PLCG2: variants seen among roughly 807,000 people sequenced by gnomAD.
PLCG2 encodes 1-phosphatidylinositol 4,5-bisphosphate phosphodiesterase gamma-2.
PLCG2 carries 69 observed loss-of-function variants against 175.6 expected under a neutral mutation model. That is an observed-to-expected ratio of 0.39 (90% CI 0.32 to 0.48). The LOEUF (loss-of-function observed/expected upper bound fraction) is 0.48. Among genes scored for constraint, PLCG2 ranks in the 20% least tolerant of loss-of-function variants. PLCG2 has a pLI of 0.91. For missense variants in PLCG2, 1,798 were observed against 1,650.9 expected (o/e 1.09, Z -1.54); for synonymous variants, 827 against 624.0 (o/e 1.33, Z -4.85).
intron 11 of PLCG2, among the ~76,000 whole-genome samples, chr16:81,893,301 C>T (rs1038841306): frequency 1.3e-5 from 2 of 152,198 alleles, no homozygotes; most frequent in Admixed American, 6.5e-5. Flanking sequence ...CTGTTCTGTG[C>T]CTGGCCTCAA....
chr16:81,811,590 A>G (rs1028160813), intron 2 of PLCG2, among the ~76,000 whole-genome samples: 3 of 151,698 alleles, frequency 2.0e-5, no homozygotes, highest in South Asian at 4.2e-4. Flanking sequence ...TCATTGTTCA[A>G]CTCGCACTTA....
intron 2 of PLCG2, among the ~76,000 whole-genome samples, chr16:81,817,195 C>G (rs1462221295): frequency 2.6e-5 from 4 of 151,920 alleles, no homozygotes; most frequent in Admixed American, 1.3e-4. Context: ...TCAGAAAAGG[C>G]CTCTCTGAGG....
At chr16:81,872,632 A>G (rs970521981) in intron 7 of PLCG2, among the ~76,000 whole-genome samples, 1 of 152,246 alleles carries the variant, frequency 6.6e-6, no homozygotes, top group Non-Finnish European at 1.5e-5. Flanking sequence ...ACATTCAATA[A>G]GTAGGGGCTG....
Position 81,910,505 on chromosome 16 carries a change from G to A in PLCG2, c.1734-15G>A, listed in dbSNP as rs919119041. The A allele has an allele frequency of 1.9e-5, 30 of 1,612,620 alleles. No homozygotes were observed. The highest frequency in any genetic ancestry group is 2.2e-5 in the East Asian group (1 of 44,878). On this transcript the variant is annotated splice_polypyrimidine_tract_variant and intron_variant, in intron 17 of 32. Coordinates refer to ENST00000564138, the MANE Select transcript of PLCG2 (RefSeq NM_002661.5). ...CCTGCGTTCTCCCAGCACTGATGGC[G>A]TCCTCTCCCCGCAGGCGGTCAGGCC...
At chr16:81,787,920 G>C (rs889592071) in intron 2 of PLCG2, among the ~76,000 whole-genome samples, 1 of 152,136 alleles carries the variant, frequency 6.6e-6, no homozygotes, top group African/African-American at 2.4e-5. Context: ...TTTTGTGGCA[G>C]AATCACGATA....
intron 2 of PLCG2, among the ~76,000 whole-genome samples, chr16:81,850,368 AAAG>A (rs1906343787): frequency 2.6e-5 from 4 of 152,232 alleles, no homozygotes; most frequent in African/African-American, 7.2e-5. Context: ...AACAAACAAA[AAAG>A]TTTCAGTGCA....
intron 20 of PLCG2, among the ~76,000 whole-genome samples, chr16:81,920,567 A>C (rs1910018866): frequency 1.3e-5 from 2 of 152,194 alleles, no homozygotes. Context: ...GAAACATGGA[A>C]GATAGCAGTG....
chr16:81,753,960 G>A (rs1271050546), intron 1 of PLCG2, among the ~76,000 whole-genome samples: 1 of 152,152 alleles, frequency 6.6e-6, no homozygotes, highest in Non-Finnish European at 1.5e-5. Flanking sequence ...CACCTTGGGT[G>A]GAGGCTGAGC....
chr16:81,831,591 A>G (rs7194787), intron 2 of PLCG2, among the ~76,000 whole-genome samples: 152,247 of 152,308 alleles, frequency 1, 76,095 homozygotes, highest in Middle Eastern at 1. Context: ...TGGGTCTCTG[A>G]CCAGTGCTGG....
intron 30 of PLCG2, among the ~76,000 whole-genome samples, chr16:81,940,408 C>T (rs1175716538): frequency 6.6e-6 from 1 of 152,162 alleles, no homozygotes; most frequent in South Asian, 2.1e-4. Flanking sequence ...CCCTCCTGCT[C>T]TCTGGCTGGC....
At chr16:81,803,398 A>C (rs144962953) in intron 2 of PLCG2, among the ~76,000 whole-genome samples, 7 of 152,194 alleles carry the variant, frequency 4.6e-5, no homozygotes, top group African/African-American at 1.7e-4. Context: ...TCAACACTTC[A>C]TTCCTTTTTA....
At chr16:81,849,342 C>T (rs544862385) in intron 2 of PLCG2, among the ~76,000 whole-genome samples, 1 of 152,272 alleles carries the variant, frequency 6.6e-6, no homozygotes, top group African/African-American at 2.4e-5. Context: ...AGAGCAATTT[C>T]AGAAGTAGAA....
intron 31 of PLCG2, among the ~76,000 whole-genome samples, chr16:81,955,475 A>C (rs55683592): frequency 0.014 from 2,202 of 152,270 alleles, 28 homozygotes; most frequent in Middle Eastern, 0.048. Context: ...CTCCCCCTGC[A>C]TTGAAACCCA....
intron 5 of PLCG2, among the ~76,000 whole-genome samples, chr16:81,863,829 G>A (rs972969306): frequency 1.3e-5 from 2 of 152,212 alleles, no homozygotes; most frequent in Admixed American, 1.3e-4. Context: ...CAGGGACAGA[G>A]GAACTACTCT....
Position 81,891,390 on chromosome 16 carries a change from C to T in PLCG2, c.868-82C>T, listed in dbSNP as rs140455097. The T allele has an allele frequency of 3.5e-4, 287 of 825,056 alleles. No homozygotes were observed. The African/African-American group carries it at 3.8e-3, about 11-fold the overall frequency. The allele number at this position is 825,056 out of a possible 1,614,324, so 51.1% of individuals were successfully genotyped here. A position where few individuals can be genotyped will look rare whatever the true frequency, so the allele number is the denominator to read the frequency against. On this transcript the variant is annotated intron_variant, in intron 10 of 32. Transcript: ENST00000564138. Reference sequence around the variant, plus strand: ...CCCGCATCAGAGCTGTTCTTCCCCCCTGGTGGGCGCAGACCAGAAACAAGC... The same window carrying T: ...CCCGCATCAGAGCTGTTCTTCCCCCTTGGTGGGCGCAGACCAGAAACAAGC...
chr16:81,740,024 G>A (rs918287399), intron 1 of PLCG2, among the ~76,000 whole-genome samples: 1 of 151,152 alleles, frequency 6.6e-6, no homozygotes, highest in Non-Finnish European at 1.5e-5. Context: ...TGCAATCACA[G>A]TTACTCGGGA....
At chr16:81,904,368 G>T (rs1322319220) in intron 14 of PLCG2, among the ~76,000 whole-genome samples, 1 of 152,214 alleles carries the variant, frequency 6.6e-6, no homozygotes, top group Non-Finnish European at 1.5e-5. Context: ...CCCCTATCCT[G>T]AGCTCCTTCA....
chr16:81,774,905 G>T (rs1910366515), upstream of PLCG2, among the ~76,000 whole-genome samples: 1 of 151,938 alleles, frequency 6.6e-6, no homozygotes. Context: ...CACCAGGCCT[G>T]GCTAATTTTT....
chr16:81,800,379 C>T (rs1235551764), intron 2 of PLCG2, among the ~76,000 whole-genome samples: 1 of 152,144 alleles, frequency 6.6e-6, no homozygotes, highest in African/African-American at 2.4e-5. Flanking sequence ...CCCTGCTCCC[C>T]AACAGGCCCT....
Sources: allele counts gnomAD v4.1 joint callset (sites outside exome capture counted in the v4.1 genomes callset), GRCh38; gene constraint gnomAD v4.1.1; transcripts MANE v1.5; gene names NCBI Gene and HGNC (gene_info 2026-07-23, HGNC 2026-07-21).